The following TNPO2 variants were observed in gnomAD, a reference collection of about 807,000 sequenced individuals.
TNPO2 encodes transportin 2.
TNPO2 carries 16 observed loss-of-function variants against 111.1 expected under a neutral mutation model. The observed-to-expected ratio is 0.14, with a 90% CI of 0.10 to 0.22. TNPO2 has a LOEUF of 0.22. TNPO2 is among the 10% of genes least tolerant of loss of function. The pLI is 1.00. For synonymous variants in TNPO2, 481 were observed against 475.8 expected, an observed-to-expected ratio of 1.01 and a Z score of -0.14; for missense variants, 530 against 1,173.7, an observed-to-expected ratio of 0.45 and a Z score of 8.01.
intron 5 of TNPO2, among the ~76,000 whole-genome samples, chr19:12,718,226 C>T (rs1337936469): frequency 1.3e-5 from 2 of 150,488 alleles, no homozygotes; most frequent in Non-Finnish European, 3.0e-5. Flanking sequence ...AGTGCAGTGG[C>T]GCCATCTCGC....
At chr19:12,714,314 CTT>C (rs930361446) in intron 10 of TNPO2, among the ~76,000 whole-genome samples, 27 of 136,226 alleles carry the variant, frequency 2.0e-4, no homozygotes, top group Admixed American at 2.2e-4. Context: ...TTTTTCATTT[CTT>C]TTTTTTTTTT....
At position 12,701,592 on chromosome 19, in the gene TNPO2, C is replaced by A. The variant is rs776665082; in HGVS notation, c.2586+6G>T. ...GAACTAGATCAGGGCCCAGACAGAG[C>A]CTCACCTTATAAAACATGTCCCGAA... On this transcript the variant is annotated splice_donor_region_variant and intron_variant, in intron 24 of 25. Transcript: ENST00000425528. This position sits in a 1 kb window ranked among gnomAD's most constrained non-coding sequence, Gnocchi z 5.0. 1 of 1,613,688 alleles carries A rather than the reference C, an allele frequency of 6.2e-7. No homozygotes were observed. The highest frequency in any genetic ancestry group is 8.5e-7 in the Non-Finnish European group (1 of 1,179,784).
intron 18 of TNPO2, 64 bp from the exon 19 acceptor site, chr19:12,703,865 GGCACAGTCCCTGGT>G: frequency 7.2e-7 from 1 of 1,398,050 alleles, no homozygotes; most frequent in Admixed American, 2.2e-5. Context: ...CAGCTCAGGG[GGCACAGTCCCTGGT>G]GCATGTCCAG....
At position 12,705,108 on chromosome 19, in the gene TNPO2, G is replaced by A. The variant is rs1263040541; in HGVS notation, c.2022+132C>T. The A allele has an allele frequency of 2.0e-6, 2 of 988,398 alleles. No homozygotes were observed. Among genetic ancestry groups the A allele is most frequent in the African/African-American group, 1.6e-5 (1 of 61,382 alleles). The allele number at this position is 988,398 out of a possible 1,614,324, so 61.2% of individuals were successfully genotyped here. ...CAAGCAATCCTGCCTCGGCCTCCAG[G>A]ATTACTCTTTAAAATAATTAGAACA... is the stretch of plus-strand genomic sequence containing the variant. On this transcript the variant is annotated intron_variant, in intron 18 of 25. Coordinates refer to ENST00000425528, the MANE Select transcript of TNPO2 (RefSeq NM_001382241.1). The surrounding 1 kb of genome is among the most constrained non-coding windows in gnomAD (Gnocchi z 7.2).
chr19:12,721,499 T>G lies in TNPO2; in HGVS notation c.-13-509A>C. The stretch of plus-strand genomic sequence containing the variant: ...CTTCTGCCAGATCCCAGAGGCCTCC[T>G]GCCCTAGTCCAATTTCTGAGCTTCC... On this transcript the variant is annotated intron_variant, in intron 2 of 25. Transcript: ENST00000425528. This position sits in a 1 kb window ranked among gnomAD's most constrained non-coding sequence, Gnocchi z 4.9. The G allele has an allele frequency of 2.6e-6, 1 of 390,254 alleles. No homozygotes were observed. Among genetic ancestry groups the G allele is most frequent in the Non-Finnish European group, 4.9e-6 (1 of 204,742 alleles). 24.2% of individuals were successfully genotyped at this position (390,254 alleles called of 1,614,324 possible). A position where few individuals can be genotyped will look rare whatever the true frequency, so the allele number is the denominator to read the frequency against.
Position 12,706,047 on chromosome 19 carries a change from T to C in TNPO2, c.1668+149A>G. 1.2e-6 allele frequency: 1 copy of C among 835,826 alleles called. No individual in the cohort carries two copies. Among genetic ancestry groups the C allele is most frequent in the Non-Finnish European group, 1.8e-6 (1 of 558,262 alleles). The allele number at this position is 835,826 out of a possible 1,614,324, so 51.8% of individuals were successfully genotyped here. A position where few individuals can be genotyped will look rare whatever the true frequency, so the allele number is the denominator to read the frequency against. On this transcript the variant is annotated intron_variant, in intron 15 of 25. Transcript: ENST00000425528. The surrounding 1 kb of genome is among the most constrained non-coding windows in gnomAD (Gnocchi z 7.0). ...TAACTGTCTTTCTCCCCCACTAGAC[T>C]GGGAGCAGGGCGAGGGCGGGGCCGG...
At position 12,714,382 on chromosome 19, in the gene TNPO2, G is replaced by T. The variant is rs940888795; in HGVS notation, c.890+439C>A. ...GGCTGGAGTGCAGTGGCACGACCTT[G>T]GCTCACTACAACCTCAGCCTCCTGG... On this transcript the variant is annotated intron_variant, in intron 10 of 25. Transcript: ENST00000425528. 2.0e-5 allele frequency among the ~76,000 whole-genome samples: 3 copies of T among 148,124 alleles called. No individual in the cohort carries two copies. The South Asian group carries it at 6.3e-4, about 31-fold the overall frequency.
rs1262251046 is a variant in TNPO2, at chr19:12,706,157, C to T, written c.1668+39G>A. 2.5e-6 allele frequency: 4 copies of T among 1,599,584 alleles called. No individual in the cohort carries two copies. The highest frequency in any genetic ancestry group is 1.7e-6 in the Non-Finnish European group (2 of 1,173,076). On this transcript the variant is annotated intron_variant, in intron 15 of 25. Transcript: ENST00000425528. The surrounding 1 kb of genome is among the most constrained non-coding windows in gnomAD (Gnocchi z 7.0). Reference sequence around the variant, plus strand: ...CACCAGGTCACTGGATGCCCAGGGGCACGGGGATCGGGAGGCGGGAGCCGC... The same window carrying T: ...CACCAGGTCACTGGATGCCCAGGGGTACGGGGATCGGGAGGCGGGAGCCGC...
chr19:12,721,021 G>C lies in TNPO2; in HGVS notation c.-13-31C>G. 1 of 1,540,726 alleles carries C rather than the reference G, an allele frequency of 6.5e-7. No individual in the cohort carries two copies. Among genetic ancestry groups the C allele is most frequent in the Non-Finnish European group, 8.7e-7 (1 of 1,148,182 alleles). ...GAGGTAGGGGCCGGGGTCAGCGCTG[G>C]GTCTCTGGGGCTCCGTGTGAGACCC... On this transcript the variant is annotated intron_variant, in intron 2 of 25. Transcript: ENST00000425528. The surrounding 1 kb of genome is among the most constrained non-coding windows in gnomAD (Gnocchi z 4.9).
chr19:12,710,582 C>G lies in TNPO2; in HGVS notation c.1270+39G>C, dbSNP rs564683277. ...TAGTAATGTGGGCCAGCCCTACAGT[C>G]TCATGCCAGCACAGGGCTCAGAGAT... On this transcript the variant is annotated intron_variant, in intron 13 of 25. Coordinates refer to ENST00000425528, the MANE Select transcript of TNPO2 (RefSeq NM_001382241.1). 2.8e-5 allele frequency: 45 copies of G among 1,605,338 alleles called. No individual in the cohort carries two copies. In the East Asian group the frequency reaches 9.5e-4, roughly 34 times the overall value.
Position 12,702,164 on chromosome 19 carries a change from A to AATGG in TNPO2, c.2318_2319insCCAT (p.Pro774HisfsTer83). 1 of 1,612,802 alleles carries AATGG rather than the reference A, an allele frequency of 6.2e-7. No individual in the cohort carries two copies. Among genetic ancestry groups the AATGG allele is most frequent in the African/African-American group, 1.3e-5 (1 of 74,902 alleles). ...TGGTGATGGCTGGAATGGCAGAGGGACTCGTCAGGCGACCTGCAACCCCGA... is the reference window on the plus strand; with the variant it reads ...TGGTGATGGCTGGAATGGCAGAGGGAATGGCTCGTCAGGCGACCTGCAACCCCGA... On this transcript the variant is annotated frameshift_variant, in exon 22 of 26. Coordinates refer to ENST00000425528, the MANE Select transcript of TNPO2 (RefSeq NM_001382241.1). LOFTEE classifies it high-confidence loss of function. This position sits in a 1 kb window ranked among gnomAD's most constrained non-coding sequence, Gnocchi z 5.5.
In TNPO2 at chr19:12,701,305, T is replaced by G. The variant is rs1244522799; in HGVS notation, c.*20+21A>C. ...TTCGGCCCCCAAGACAGTGCTGACT[T>G]GCCAGCTGCAGTCTCCTTACCTGGC... On this transcript the variant is annotated intron_variant, in intron 25 of 25. Coordinates refer to ENST00000425528, the MANE Select transcript of TNPO2 (RefSeq NM_001382241.1). This position sits in a 1 kb window ranked among gnomAD's most constrained non-coding sequence, Gnocchi z 5.0. 2.1e-5 allele frequency: 32 copies of G among 1,539,798 alleles called. No individual in the cohort carries two copies. The highest frequency in any genetic ancestry group is 2.8e-5 in the Non-Finnish European group (31 of 1,115,606).
Position 12,721,400 on chromosome 19 carries a change from C to A in TNPO2, c.-13-410G>T. ...GGCCCCGCCCCAGACCGTGATAGCGCCCCGGCCCCCGTGGTCTCTTCTATG... is the reference window on the plus strand; with the variant it reads ...GGCCCCGCCCCAGACCGTGATAGCGACCCGGCCCCCGTGGTCTCTTCTATG... On this transcript the variant is annotated intron_variant, in intron 2 of 25. Transcript: ENST00000425528. This position sits in a 1 kb window ranked among gnomAD's most constrained non-coding sequence, Gnocchi z 4.9. 1 of 850,286 alleles carries A rather than the reference C, an allele frequency of 1.2e-6. No homozygotes were observed. The highest frequency in any genetic ancestry group is 1.4e-5 in the South Asian group (1 of 71,198). The allele number at this position is 850,286 out of a possible 1,614,324, so 52.7% of individuals were successfully genotyped here.
chr19:12,717,595 T>C (rs951612295), intron 5 of TNPO2, among the ~76,000 whole-genome samples: 3 of 152,172 alleles, frequency 2.0e-5, no homozygotes, highest in Middle Eastern at 3.4e-3. Context: ...TTCAATGACT[T>C]AGCAAAGAGC....
At position 12,702,820 on chromosome 19, in the gene TNPO2, C is replaced by T. The variant is rs2025402198; in HGVS notation, c.2305+3G>A. 2.5e-6 allele frequency: 4 copies of T among 1,613,608 alleles called. No individual in the cohort carries two copies. The highest frequency in any genetic ancestry group is 3.4e-6 in the Non-Finnish European group (4 of 1,179,684). On this transcript the variant is annotated splice_donor_region_variant and intron_variant, in intron 21 of 25. Transcript: ENST00000425528. This position sits in a 1 kb window ranked among gnomAD's most constrained non-coding sequence, Gnocchi z 5.5. ...GCAGGCAGCAGCCGGGCCAGGTGCC[C>T]ACCTGTGTTTTCCAGCAGTGTCTTG...
rs550069650 is a variant in TNPO2 at position 12,711,174 on chromosome 19, G to A, written c.1117+122C>T. ...CTTCCAAAGTGCTGGGATTACAGGC[G>A]TAAGCCACTGCGCCCGGCCACGATC... On this transcript the variant is annotated intron_variant, in intron 12 of 25. Coordinates refer to ENST00000425528, the MANE Select transcript of TNPO2 (RefSeq NM_001382241.1). 2.2e-4 allele frequency: 298 copies of A among 1,346,658 alleles called. 1 individual carries two copies. The highest frequency in any genetic ancestry group is 9.9e-4 in the Middle Eastern group (5 of 5,042). The allele number at this position is 1,346,658 out of a possible 1,614,324, so 83.4% of individuals were successfully genotyped here. A position where few individuals can be genotyped will look rare whatever the true frequency, so the allele number is the denominator to read the frequency against.
rs1325539230 is a variant in TNPO2, at chr19:12,702,078, C to T, written c.2405G>A (p.Arg802Gln). ...EVAPMLQQFIRPWCTSLRNIR... is the reference protein window; with the variant it reads ...EVAPMLQQFIQPWCTSLRNIR... ...TTGACACGTGGACACACACCAAGGC[C>T]GGATGAACTGCTGCAGCATGGGTGC... The change falls in exon 22 of 26, where the codon CGG becomes CAG. Residue 802 changes from arginine to glutamine, a missense_variant. By Grantham distance (43) the Arg-to-Gln change is conservative. Transcript: ENST00000425528. The surrounding 1 kb of genome is among the most constrained non-coding windows in gnomAD (Gnocchi z 5.5). The T allele has an allele frequency of 2.5e-6, 4 of 1,613,440 alleles. No homozygotes were observed. Among genetic ancestry groups the T allele is most frequent in the Non-Finnish European group, 3.4e-6 (4 of 1,179,778 alleles).
chr19:12,718,089 CTG>C, intron 5 of TNPO2, among the ~76,000 whole-genome samples: 1 of 152,036 alleles, frequency 6.6e-6, no homozygotes, highest in Non-Finnish European at 1.5e-5. Flanking sequence ...ACTGCAACCT[CTG>C]CCTCCTGGGT....
At position 12,711,347 on chromosome 19, in the gene TNPO2, C is replaced by G. The variant is rs763419626; in HGVS notation, c.1066G>C (p.Glu356Gln). ...TCATCATCGTCATCCTCCGCGTCCTCGGAGCCATCAGGCCGCTCAGCCTCG... is the reference window on the plus strand; with the variant it reads ...TCATCATCGTCATCCTCCGCGTCCTGGGAGCCATCAGGCCGCTCAGCCTCG... ...PHEAERPDGSEDAEDDDDDDA... is the reference protein window; with the variant it reads ...PHEAERPDGSQDAEDDDDDDA... Residue 356 changes from glutamate to glutamine, a missense_variant, in exon 12 of 26, where the codon GAG becomes CAG. Physicochemically the swap from Glu to Gln is conservative, Grantham distance 29. Around this residue, in one of 4 missense-constraint regions of TNPO2, gnomAD observed 88 missense variants for 130.2 expected, o/e 0.68. Transcript: ENST00000425528. The G allele has an allele frequency of 7.4e-6, 12 of 1,613,908 alleles. No individual in the cohort carries two copies. In the African/African-American group the frequency reaches 1.1e-4, roughly 14 times the overall value.
Sources: allele counts gnomAD v4.1 joint callset (sites outside exome capture counted in the v4.1 genomes callset), GRCh38; gene constraint gnomAD v4.1.1; regional missense constraint gnomAD v4.1.1; non-coding constraint Gnocchi (gnomAD v3.1); transcripts MANE v1.5; gene names NCBI Gene and HGNC (gene_info 2026-07-23, HGNC 2026-07-21).